UBFD1: variants seen among roughly 807,000 people sequenced by gnomAD.
UBFD1 encodes ubiquitin family domain containing 1.
UBFD1 carries 12 observed loss-of-function variants against 35.1 expected under a neutral mutation model. The observed-to-expected ratio is 0.34, with a 90% CI of 0.22 to 0.55. The LOEUF is 0.55. Ranked by LOEUF, UBFD1 falls within the 20% of genes least tolerant of loss-of-function variation. The pLI is 0.89. For synonymous variants in UBFD1, 178 were observed against 167.6 expected, an observed-to-expected ratio of 1.06 and a Z score of -0.48; for missense variants, 337 against 410.8, an observed-to-expected ratio of 0.82 and a Z score of 1.55.
intron 6 of UBFD1, chr16:23,568,841 AC>A (rs1022302038): frequency 1.3e-5 from 2 of 151,940 alleles, no homozygotes; most frequent in Admixed American, 6.5e-5. Flanking sequence ...AAACAAAAAA[AC>A]AAAACAAAAA....
In UBFD1 at chr16:23,574,038, G is replaced by A. The variant is rs916159621; in HGVS notation, c.*3448G>A. The A allele has an allele frequency of 6.6e-6, 1 of 152,362 alleles. No homozygotes were observed. Among genetic ancestry groups the A allele is most frequent in the African/African-American group, 2.4e-5 (1 of 41,458 alleles). The allele number at this position is 152,362 out of a possible 1,614,324, so 9.4% of individuals were successfully genotyped here. On this transcript the variant is annotated 3_prime_UTR_variant, in exon 7 of 7. Transcript: ENST00000395878. ...CCTGTTTCCTTCGTAATAGTGCCTG[G>A]CGGCCTTTCTGAAGTTACAGGTGGT... is the stretch of plus-strand genomic sequence containing the variant.
chr16:23,559,416 C>G, intron 2 of UBFD1, 52 bp from the exon 3 acceptor site: 1 of 1,522,594 alleles, frequency 6.6e-7, no homozygotes, highest in Non-Finnish European at 9.0e-7. Flanking sequence ...AGTATCCATA[C>G]ATTTTTCTGT....
intron 3 of UBFD1, chr16:23,559,987 C>T: frequency 9.9e-7 from 1 of 1,006,088 alleles, no homozygotes. Context: ...CCAGAGAAAA[C>T]TACCAGTACT....
In UBFD1 at chr16:23,557,759, C is replaced by A. The variant is rs558869338; in HGVS notation, c.17C>A (p.Ala6Asp). Residue 6 changes from alanine (A) to aspartate (D), a missense_variant, in exon 1 of 7, where the codon GCC becomes GAC. Transcript: ENST00000395878. MAAAG[A>D]PDGMEEPGMD... is the part of the protein sequence containing the mutation. ...ACAATCATCATGGCGGCGGCCGGGGCCCCGGATGGTGAGTGCGGCGGGGGT... is the reference window on the plus strand; with the variant it reads ...ACAATCATCATGGCGGCGGCCGGGGACCCGGATGGTGAGTGCGGCGGGGGT... 13 of 1,300,402 alleles carry A rather than the reference C, an allele frequency of 1.0e-5. No individual in the cohort carries two copies. The African/African-American group carries it at 1.4e-4, about 14-fold the overall frequency. The allele number at this position is 1,300,402 out of a possible 1,614,324, so 80.6% of individuals were successfully genotyped here. A position where few individuals can be genotyped will look rare whatever the true frequency, so the allele number is the denominator to read the frequency against.
rs368756536 is a variant in UBFD1, at chr16:23,572,225, T to C, written c.*1635T>C. 2 of 152,650 alleles carry C rather than the reference T, an allele frequency of 1.3e-5. No individual in the cohort carries two copies. Among genetic ancestry groups the C allele is most frequent in the East Asian group, 3.9e-4 (2 of 5,194 alleles). 9.5% of individuals were successfully genotyped at this position (152,650 alleles called of 1,614,324 possible). A position where few individuals can be genotyped will look rare whatever the true frequency, so the allele number is the denominator to read the frequency against. On this transcript the variant is annotated 3_prime_UTR_variant, in exon 7 of 7. Coordinates refer to ENST00000395878, the MANE Select transcript of UBFD1 (RefSeq NM_019116.3). ...CATCTAGGCAGGAAAATCTACTCTT[T>C]GCTTTTTTGGGGGCAATTAGTACAT...
At chr16:23,558,312 C>A (rs775219804) in intron 2 of UBFD1, 33 bp downstream of exon 2, 1 of 1,592,952 alleles carries the variant, frequency 6.3e-7, no homozygotes, top group Non-Finnish European at 8.5e-7. Context: ...CCAGTCTTCC[C>A]CACCCCGCCT....
chr16:23,568,683 G>GTGGCGGGCACCTGTAATCCCAGCTA (rs1481345691), intron 6 of UBFD1: 1 of 151,730 alleles, frequency 6.6e-6, no homozygotes, highest in Non-Finnish European at 1.5e-5. Context: ...GCTGGGCGTG[G>GTGGCGGGCACCTGTAATCCCAGCTA]TGGCGGGCAC....
chr16:23,563,980 C>T (rs1265814723), intron 5 of UBFD1: 2 of 152,228 alleles, frequency 1.3e-5, no homozygotes, highest in South Asian at 2.1e-4. Flanking sequence ...GTTCATAGAG[C>T]GCTTCGTTTA....
chr16:23,567,882 A>C (rs1253912039), intron 6 of UBFD1, among the ~76,000 whole-genome samples: 3 of 152,248 alleles, frequency 2.0e-5, no homozygotes, highest in Non-Finnish European at 4.4e-5. Context: ...AGCCCATCCC[A>C]GGGAAAAGAA....
chr16:23,568,412 C>G (rs887633752), intron 6 of UBFD1, among the ~76,000 whole-genome samples: 4 of 151,594 alleles, frequency 2.6e-5, no homozygotes, highest in Non-Finnish European at 4.4e-5. Context: ...CCCACCTCAG[C>G]CTCCCAAAGT....
At chr16:23,564,666 G>A (rs1965985547) in intron 5 of UBFD1, 1 of 152,212 alleles carries the variant, frequency 6.6e-6, no homozygotes, top group South Asian at 2.1e-4. Flanking sequence ...AGTTGCTACG[G>A]CTGACCTGGA....
chr16:23,568,229 G>A (rs918926122), intron 6 of UBFD1, among the ~76,000 whole-genome samples: 3 of 143,704 alleles, frequency 2.1e-5, no homozygotes, highest in South Asian at 2.2e-4. Flanking sequence ...GCGCTATCTC[G>A]GCTCACTGCA....
intron 2 of UBFD1, 129 bp downstream of exon 2, chr16:23,558,408 A>G: frequency 8.6e-7 from 1 of 1,159,280 alleles, no homozygotes. Context: ...TCTGAAGGAT[A>G]CTTGGATGCC....
rs867428273 is a variant in UBFD1 at position 23,558,022 on chromosome 16, G to T, written c.98G>T (p.Cys33Phe). The change falls in exon 2 of 7, where the codon TGC becomes TTC. Residue 33 changes from cysteine (C) to phenylalanine (F), a missense_variant. By Grantham distance (205) the Cys-to-Phe change is radical. This residue lies in a region of UBFD1 where 198 missense variants were observed against 168.4 expected (regional missense o/e 1.18). Transcript: ENST00000395878. ...GAGGCTCCCGCGCGGCCCGTCAACT[G>T]CCTGGAGGCTGAAGCCGCGGCGGGG... ...ATEAPARPVNCLEAEAAAGAA... is the reference protein window; with the variant it reads ...ATEAPARPVNFLEAEAAAGAA... 5.1e-6 allele frequency: 7 copies of T among 1,360,190 alleles called. No homozygotes were observed. The African/African-American group carries it at 9.1e-5, about 18-fold the overall frequency. The allele number at this position is 1,360,190 out of a possible 1,614,324, so 84.3% of individuals were successfully genotyped here. A position where few individuals can be genotyped will look rare whatever the true frequency, so the allele number is the denominator to read the frequency against.
chr16:23,569,514 C>G (rs979546443), intron 6 of UBFD1: 1 of 152,026 alleles, frequency 6.6e-6, no homozygotes, highest in Non-Finnish European at 1.5e-5. Context: ...GAGATTGCAC[C>G]GCTGCACTCC....
At chr16:23,558,592 G>A (rs1333354079) in intron 2 of UBFD1, among the ~76,000 whole-genome samples, 1 of 152,164 alleles carries the variant, frequency 6.6e-6, no homozygotes, top group Non-Finnish European at 1.5e-5. Flanking sequence ...CCTTTCCCAG[G>A]AGATTCTGAT....
chr16:23,558,061 A>C lies in UBFD1; in HGVS notation c.137A>C (p.Asp46Ala). The change falls in exon 2 of 7, where the codon GAC becomes GCC. Residue 46 changes from aspartate (D) to alanine (A), a missense_variant. Transcript: ENST00000395878. Reference protein sequence around the residue: ...AEAAAGAAAEDSGAARGSLQP... With the variant: ...AEAAAGAAAEASGAARGSLQP... ...GCCGCGGCGGGGGCGGCGGCCGAGG[A>C]CTCCGGCGCCGCACGAGGCAGCCTG... The C allele has an allele frequency of 1.5e-6, 2 of 1,357,498 alleles. No homozygotes were observed. The highest frequency in any genetic ancestry group is 1.9e-6 in the Non-Finnish European group (2 of 1,058,080). 84.1% of individuals were successfully genotyped at this position (1,357,498 alleles called of 1,614,324 possible). A position where few individuals can be genotyped will look rare whatever the true frequency, so the allele number is the denominator to read the frequency against.
chr16:23,564,526 G>A (rs1597041573), intron 5 of UBFD1: 2 of 152,294 alleles, frequency 1.3e-5, no homozygotes, highest in Non-Finnish European at 2.9e-5. Context: ...GTAGTAAGCT[G>A]CCCAGCCTCT....
chr16:23,559,480 C>T lies in UBFD1; in HGVS notation c.368C>T (p.Ala123Val). 1 of 1,613,700 alleles carries T rather than the reference C, an allele frequency of 6.2e-7. No individual in the cohort carries two copies. ...KIHSITGLPP[A>V]MQKVMYKGLV... The stretch of plus-strand genomic sequence containing the variant: ...ACCTTTTCCCAAGGTCTCCCGCCTG[C>T]CATGCAGAAAGTCATGTATAAGGGA... The change falls in exon 3 of 7, where the codon GCC becomes GTC. Residue 123 changes from alanine to valine, a missense_variant. Physicochemically the swap from Ala to Val is moderately conservative, Grantham distance 64. Around this residue, in one of 4 missense-constraint regions of UBFD1, gnomAD observed 24 missense variants for 53.7 expected, o/e 0.45. Transcript: ENST00000395878.
Sources: allele counts gnomAD v4.1 joint callset (sites outside exome capture counted in the v4.1 genomes callset), GRCh38; gene constraint gnomAD v4.1.1; regional missense constraint gnomAD v4.1.1; transcripts MANE v1.5; gene names NCBI Gene and HGNC (gene_info 2026-07-23, HGNC 2026-07-21).